KIRREL3: variants seen among roughly 807,000 people sequenced by gnomAD.
The protein encoded by KIRREL3 is kirre like nephrin family adhesion molecule 3.
Under a neutral mutation model 89.7 loss-of-function variants are expected in KIRREL3, and 36 were observed. The ratio of observed to expected loss-of-function variants is 0.40; its 90% CI spans 0.31 to 0.53. The LOEUF is 0.53. KIRREL3 is among the 20% of genes least tolerant of loss of function. The pLI is 0.49. For synonymous variants in KIRREL3, 445 were observed against 441.4 expected (o/e 1.01, Z -0.10); for missense variants, 864 against 1,056.6 (o/e 0.82, Z 2.53).
intron 1 of KIRREL3, among the ~76,000 whole-genome samples, chr11:126,884,397 G>A (rs755013010): frequency 6.6e-6 from 1 of 152,180 alleles, no homozygotes; most frequent in Non-Finnish European, 1.5e-5. Context: ...AGCCCAACCT[G>A]CAGGTATGTC....
rs1957535434 is a variant in KIRREL3 at position 126,492,131 on chromosome 11, A to T, written c.434-18665T>A. On this transcript the variant is annotated intron_variant, in intron 4 of 16. Transcript: ENST00000525144. The surrounding 1 kb of genome is among the most constrained non-coding windows in gnomAD (Gnocchi z 4.8). Reference sequence around the variant, plus strand: ...GGCTTATAAAATGGACAAAAGGATAAGTTGCAGAGGGCCACCGAGGAACTG... The same window carrying T: ...GGCTTATAAAATGGACAAAAGGATATGTTGCAGAGGGCCACCGAGGAACTG... Among the ~76,000 whole-genome samples the T allele has an allele frequency of 6.6e-6, 1 of 152,214 alleles. No homozygotes were observed. The highest frequency in any genetic ancestry group is 2.4e-5 in the African/African-American group (1 of 41,450).
chr11:126,970,191 C>G lies in KIRREL3; in HGVS notation c.55+30264G>C, dbSNP rs1949391536. Among the ~76,000 whole-genome samples the G allele has an allele frequency of 6.6e-6, 1 of 152,218 alleles. No individual in the cohort carries two copies. The highest frequency in any genetic ancestry group is 1.5e-5 in the Non-Finnish European group (1 of 68,034). On this transcript the variant is annotated intron_variant, in intron 1 of 16. Coordinates refer to ENST00000525144, the MANE Select transcript of KIRREL3 (RefSeq NM_032531.4). The surrounding 1 kb of genome is among the most constrained non-coding windows in gnomAD (Gnocchi z 4.4). ...TCTTTCAGTTTTTCGCTCTTCACAG[C>G]TCAGTTAATTCCACTTAAGACACTC...
Position 126,744,651 on chromosome 11 carries a change from C to A in KIRREL3, c.56-181739G>T, listed in dbSNP as rs946036974. On this transcript the variant is annotated intron_variant, in intron 1 of 16. Transcript: ENST00000525144. The surrounding 1 kb of genome is among the most constrained non-coding windows in gnomAD (Gnocchi z 4.7). ...AGAGCCTTTCCAGGCTAAGCCAGGG[C>A]TCCCTGGCGTGTGCCCCATGGTGCT... 5.9e-5 allele frequency among the ~76,000 whole-genome samples: 9 copies of A among 152,184 alleles called. No individual in the cohort carries two copies. The highest frequency in any genetic ancestry group is 2.1e-4 in the South Asian group (1 of 4,822).
At chr11:126,947,234 A>C (rs1948644892) in intron 1 of KIRREL3, among the ~76,000 whole-genome samples, 1 of 152,096 alleles carries the variant, frequency 6.6e-6, no homozygotes, top group African/African-American at 2.4e-5. Flanking sequence ...TCTCATTTTC[A>C]ATTGCCACCT....
In KIRREL3 at chr11:126,857,795, G is replaced by GGGGA. The variant is rs1190574554; in HGVS notation, c.55+142659_55+142660insTCCC. ...GTCTTCAGGCTGTGGGGGTGGGGTG[G>GGGGA]GTGAGGCTGGGCCCTCTAGCTGCCT... On this transcript the variant is annotated intron_variant, in intron 1 of 16. Transcript: ENST00000525144. Among the ~76,000 whole-genome samples, 2 of 127,996 alleles carry GGGGA rather than the reference G, an allele frequency of 1.6e-5. 1 individual carries two copies. Among genetic ancestry groups the GGGGA allele is most frequent in the East Asian group, 5.8e-4 (2 of 3,448 alleles). The allele number at this position is 127,996 out of a possible 152,430, so 84.0% of individuals were successfully genotyped here. A position where few individuals can be genotyped will look rare whatever the true frequency, so the allele number is the denominator to read the frequency against.
chr11:126,463,440 CT>C lies in KIRREL3; in HGVS notation c.592-134del. On this transcript the variant is annotated intron_variant, in intron 5 of 16. Coordinates refer to ENST00000525144, the MANE Select transcript of KIRREL3 (RefSeq NM_032531.4). The surrounding 1 kb of genome is among the most constrained non-coding windows in gnomAD (Gnocchi z 5.9). ...GATGGAGGGGTTCAGCTTAGGAGACCTGGGCTGCCCATGTCTACGCAGAGCT... is the reference window on the plus strand; with the variant it reads ...GATGGAGGGGTTCAGCTTAGGAGACCGGGCTGCCCATGTCTACGCAGAGCT... 7.9e-6 allele frequency: 7 copies of C among 887,358 alleles called. No homozygotes were observed. In the South Asian group the frequency reaches 1.1e-4, roughly 14 times the overall value. The allele number at this position is 887,358 out of a possible 1,614,324, so 55.0% of individuals were successfully genotyped here. A position where few individuals can be genotyped will look rare whatever the true frequency, so the allele number is the denominator to read the frequency against.
chr11:126,562,975 C>T lies in KIRREL3; in HGVS notation c.56-63G>A, dbSNP rs1419526545. 6 of 1,250,184 alleles carry T rather than the reference C, an allele frequency of 4.8e-6. No homozygotes were observed. In the African/African-American group the frequency reaches 5.9e-5, roughly 12 times the overall value. The allele number at this position is 1,250,184 out of a possible 1,614,324, so 77.4% of individuals were successfully genotyped here. A position where few individuals can be genotyped will look rare whatever the true frequency, so the allele number is the denominator to read the frequency against. ...AACAGGTCAGGCATTGTTGGGGGGC[C>T]CTCTGCAGGGGGCTGTGGAGCTTGT... On this transcript the variant is annotated intron_variant, in intron 1 of 16. Transcript: ENST00000525144. The surrounding 1 kb of genome is among the most constrained non-coding windows in gnomAD (Gnocchi z 4.7).
At position 126,491,925 on chromosome 11, in the gene KIRREL3, C is replaced by T. The variant is rs544981410; in HGVS notation, c.434-18459G>A. Reference sequence around the variant, plus strand: ...CCATGTTGGCCAGGCTGGTCTCGAACTCCAGACCTCAAGTGATCCTCCCGC... The same window carrying T: ...CCATGTTGGCCAGGCTGGTCTCGAATTCCAGACCTCAAGTGATCCTCCCGC... On this transcript the variant is annotated intron_variant, in intron 4 of 16. Transcript: ENST00000525144. This position sits in a 1 kb window ranked among gnomAD's most constrained non-coding sequence, Gnocchi z 5.5. 1.3e-5 allele frequency among the ~76,000 whole-genome samples: 2 copies of T among 152,204 alleles called. No homozygotes were observed. The highest frequency in any genetic ancestry group is 4.8e-5 in the African/African-American group (2 of 41,528).
chr11:126,765,317 A>G (rs1949788615), intron 1 of KIRREL3, among the ~76,000 whole-genome samples: 1 of 152,198 alleles, frequency 6.6e-6, no homozygotes, highest in African/African-American at 2.4e-5. Context: ...CTTCAAGCTT[A>G]TCTACACATG....
rs1937862576 is a variant in KIRREL3 at position 126,536,275 on chromosome 11, G to A, written c.134-9588C>T. Among the ~76,000 whole-genome samples, 4 of 152,080 alleles carry A rather than the reference G, an allele frequency of 2.6e-5. No homozygotes were observed. In the South Asian group the frequency reaches 6.2e-4, roughly 24 times the overall value. On this transcript the variant is annotated intron_variant, in intron 2 of 16. Transcript: ENST00000525144. ...CTATGGTGTGTGTGTCTGTGTGTGT[G>A]TGTGTGTGTATCGGATAGGAAGGTG...
At position 126,987,133 on chromosome 11, in the gene KIRREL3, A is replaced by G. The variant is rs1169543019; in HGVS notation, c.55+13322T>C. ...AACTCAGATAACCCAGGAACCATAG[A>G]AAGACCCTAATACTTCCTTGATATG... On this transcript the variant is annotated intron_variant, in intron 1 of 16. Transcript: ENST00000525144. The surrounding 1 kb of genome is among the most constrained non-coding windows in gnomAD (Gnocchi z 4.6). Among the ~76,000 whole-genome samples the G allele has an allele frequency of 6.6e-6, 1 of 152,190 alleles. No individual in the cohort carries two copies. Among genetic ancestry groups the G allele is most frequent in the Non-Finnish European group, 1.5e-5 (1 of 68,032 alleles).
At chr11:126,446,982 G>A (rs1473645260) in intron 8 of KIRREL3, 96 bp from the exon 9 acceptor site, 13 of 1,454,992 alleles carry the variant, frequency 8.9e-6, no homozygotes, top group Non-Finnish European at 1.2e-5. Context: ...CCTTGACTGG[G>A]GGGAGGCAGG....
rs1340520794 is a variant in KIRREL3, at chr11:126,734,119, T to G, written c.56-171207A>C. On this transcript the variant is annotated intron_variant, in intron 1 of 16. Transcript: ENST00000525144. The surrounding 1 kb of genome is among the most constrained non-coding windows in gnomAD (Gnocchi z 5.9). Reference sequence around the variant, plus strand: ...GCTGCATTAGAACAAGATCCCTAGGTGGTTTGTTTGAACACTGGAGTTTGG... The same window carrying G: ...GCTGCATTAGAACAAGATCCCTAGGGGGTTTGTTTGAACACTGGAGTTTGG... Among the ~76,000 whole-genome samples, 2 of 152,056 alleles carry G rather than the reference T, an allele frequency of 1.3e-5. No homozygotes were observed. The highest frequency in any genetic ancestry group is 4.8e-5 in the African/African-American group (2 of 41,404).
chr11:126,929,461 C>T (rs1156856642), intron 1 of KIRREL3, among the ~76,000 whole-genome samples: 1 of 152,098 alleles, frequency 6.6e-6, no homozygotes, highest in Non-Finnish European at 1.5e-5. Flanking sequence ...CAAATGCTGC[C>T]GTCTGGAATG....
rs544345249 is a variant in KIRREL3 at position 126,892,638 on chromosome 11, C to T, written c.55+107817G>A. On this transcript the variant is annotated intron_variant, in intron 1 of 16. Coordinates refer to ENST00000525144, the MANE Select transcript of KIRREL3 (RefSeq NM_032531.4). This position sits in a 1 kb window ranked among gnomAD's most constrained non-coding sequence, Gnocchi z 5.4. ...TGTATGTATTATGTGTGTGTGTTTC[C>T]GGTGGGCAGGTGTGGCTGGAGGCAT... Among the ~76,000 whole-genome samples the T allele has an allele frequency of 1.3e-5, 2 of 152,264 alleles. No homozygotes were observed. The highest frequency in any genetic ancestry group is 1.9e-4 in the East Asian group (1 of 5,176).
chr11:126,440,132 A>G, intron 11 of KIRREL3: 1 of 575,686 alleles, frequency 1.7e-6, no homozygotes, highest in Non-Finnish European at 3.3e-6. Context: ...CCAGGAAGAG[A>G]AGAAGTCACT....
chr11:126,868,410 G>C (rs1408972984), intron 1 of KIRREL3, among the ~76,000 whole-genome samples: 1 of 152,172 alleles, frequency 6.6e-6, no homozygotes, highest in Non-Finnish European at 1.5e-5. Context: ...GTGGGGCTTT[G>C]AGGGAGGGCC....
rs1050423578 is a variant in KIRREL3 at position 126,703,697 on chromosome 11, C to T, written c.56-140785G>A. On this transcript the variant is annotated intron_variant, in intron 1 of 16. Coordinates refer to ENST00000525144, the MANE Select transcript of KIRREL3 (RefSeq NM_032531.4). The surrounding 1 kb of genome is among the most constrained non-coding windows in gnomAD (Gnocchi z 4.6). Reference sequence around the variant, plus strand: ...AGGCCCACGGGCAGGGGAGGCAGGACTCCTAAGCCTGGGCCCTCTGACTGC... The same window carrying T: ...AGGCCCACGGGCAGGGGAGGCAGGATTCCTAAGCCTGGGCCCTCTGACTGC... 1.3e-5 allele frequency among the ~76,000 whole-genome samples: 2 copies of T among 152,216 alleles called. No individual in the cohort carries two copies. Among genetic ancestry groups the T allele is most frequent in the Admixed American group, 6.5e-5 (1 of 15,282 alleles).
rs1380877937 is a variant in KIRREL3 at position 126,890,952 on chromosome 11, G to A, written c.55+109503C>T. 2.0e-5 allele frequency among the ~76,000 whole-genome samples: 3 copies of A among 152,116 alleles called. No homozygotes were observed. The highest frequency in any genetic ancestry group is 4.4e-5 in the Non-Finnish European group (3 of 68,030). On this transcript the variant is annotated intron_variant, in intron 1 of 16. Transcript: ENST00000525144. This position sits in a 1 kb window ranked among gnomAD's most constrained non-coding sequence, Gnocchi z 5.1. The stretch of plus-strand genomic sequence containing the variant: ...CTGATTCCAGTGCTGTTGGTCCCCC[G>A]CTTGGTTCATTACATTTCTGAGCCC...
Sources: allele counts gnomAD v4.1 joint callset (sites outside exome capture counted in the v4.1 genomes callset), GRCh38; gene constraint gnomAD v4.1.1; non-coding constraint Gnocchi (gnomAD v3.1); transcripts MANE v1.5; gene names NCBI Gene and HGNC (gene_info 2026-07-23, HGNC 2026-07-21).